The following DAB1 variants were observed in gnomAD, a reference collection of about 807,000 sequenced individuals.
DAB1 encodes disabled homolog 1.
A neutral mutation model predicts 64.6 loss-of-function variants in DAB1; 15 were observed. The ratio of observed to expected loss-of-function variants is 0.23; its 90% confidence interval spans 0.16 to 0.36. DAB1 has a LOEUF of 0.36. Among genes scored for constraint, DAB1 ranks in the 10% least tolerant of loss-of-function variants. DAB1 has a pLI of 1.00. For synonymous variants in DAB1, 235 were observed against 251.9 expected, an observed-to-expected ratio of 0.93 and a Z score of 0.64; for missense variants, 596 against 706.7, an observed-to-expected ratio of 0.84 and a Z score of 1.78.
chr1:57,496,700 C>T (rs1644234774), intron 7 of DAB1, among the ~76,000 whole-genome samples: 1 of 152,082 alleles, frequency 6.6e-6, no homozygotes, highest in African/African-American at 2.4e-5. Flanking sequence ...TTTTAGATCT[C>T]GAAAGAACAT....
upstream of DAB1, among the ~76,000 whole-genome samples, chr1:57,884,407 G>A (rs1249028610): frequency 6.6e-6 from 1 of 152,060 alleles, no homozygotes; most frequent in Admixed American, 6.6e-5. Context: ...CTATGGGAAG[G>A]ACATGAATAA....
At chr1:57,558,446 G>T (rs1248901618) in intron 7 of DAB1, among the ~76,000 whole-genome samples, 1 of 152,188 alleles carries the variant, frequency 6.6e-6, no homozygotes, top group Non-Finnish European at 1.5e-5. Flanking sequence ...GACCCATGAG[G>T]AAGCGTGCTA....
In DAB1 at chr1:57,725,999, C is replaced by T. The variant is rs568772655; in HGVS notation, n.552-76334G>A. Among the ~76,000 whole-genome samples, 69 of 152,306 alleles carry T rather than the reference C, an allele frequency of 4.5e-4. 2 individuals carry two copies. In the South Asian group the frequency reaches 0.014, roughly 32 times the overall value. On this transcript the variant is annotated intron_variant and non_coding_transcript_variant, in intron 6 of 20. Transcript: ENST00000485760. ...GAACTCCTGAGCTCAGGCAATCCAT[C>T]TGCCTCAGCTTCCCAAAGTGCTGGG...
intron 2 of DAB1, among the ~76,000 whole-genome samples, chr1:57,182,093 G>A (rs150714192): frequency 0.01 from 1,572 of 152,218 alleles, 35 homozygotes; most frequent in African/African-American, 0.036. Flanking sequence ...CACCGTGTTA[G>A]CCAGGATAGT....
chr1:57,406,446 T>C (rs78253977), intron 1 of DAB1, among the ~76,000 whole-genome samples: 30 of 152,338 alleles, frequency 2.0e-4, no homozygotes, highest in African/African-American at 7.0e-4. Flanking sequence ...GTCTGTGGCT[T>C]TTATAGGGTA....
chr1:57,220,706 C>G (rs1666798386), intron 2 of DAB1, among the ~76,000 whole-genome samples: 1 of 152,146 alleles, frequency 6.6e-6, no homozygotes, highest in Non-Finnish European at 1.5e-5. Flanking sequence ...AATGAGATAC[C>G]ATCTCACACC....
rs530490542 is a variant in DAB1, at chr1:57,447,866, T to C, written n.626-156700A>G. On this transcript the variant is annotated intron_variant and non_coding_transcript_variant, in intron 7 of 20. Transcript: ENST00000485760. ...GCTCCTGGTGGAGAGGTGCTAAGAT[T>C]TGGTCTACATTTTAGGATTCTTGTT... 2.0e-4 allele frequency among the ~76,000 whole-genome samples: 30 copies of C among 152,218 alleles called. No individual in the cohort carries two copies. The South Asian group carries it at 6.2e-3, about 32-fold the overall frequency.
chr1:58,477,361 A>G lies in DAB1; in HGVS notation n.257+28699T>C, dbSNP rs140313913. ...TCATTTCAGATAAAATTGTCAAGGA[A>G]TCATCTTGTTTATTTGCCTGCTGAA... On this transcript the variant is annotated intron_variant and non_coding_transcript_variant, in intron 3 of 20. Transcript: ENST00000485760. Among the ~76,000 whole-genome samples the G allele has an allele frequency of 2.7e-3, 413 of 152,322 alleles. 1 individual carries two copies. Among genetic ancestry groups the G allele is most frequent in the African/African-American group, 9.3e-3 (385 of 41,564 alleles).
intron 5 of DAB1, among the ~76,000 whole-genome samples, chr1:58,028,810 A>G (rs113614003): frequency 0.025 from 3,870 of 152,310 alleles, 143 homozygotes; most frequent in African/African-American, 0.085. Context: ...CTCTTCACAG[A>G]CGAGGAATCT....
At chr1:57,613,107 A>T (rs1261270283) in intron 7 of DAB1, among the ~76,000 whole-genome samples, 5 of 152,248 alleles carry the variant, frequency 3.3e-5, no homozygotes, top group African/African-American at 1.2e-4. Flanking sequence ...TGTCATAGTT[A>T]AATATGCTTC....
At chr1:57,461,825 T>C (rs1256873511) in intron 7 of DAB1, among the ~76,000 whole-genome samples, 2 of 152,010 alleles carry the variant, frequency 1.3e-5, no homozygotes, top group Non-Finnish European at 1.5e-5. Context: ...AAATGCAGGG[T>C]CTTGTCTTAA....
chr1:57,511,305 C>A (rs578238016), intron 7 of DAB1, among the ~76,000 whole-genome samples: 3 of 152,286 alleles, frequency 2.0e-5, no homozygotes, highest in African/African-American at 7.2e-5. Flanking sequence ...CCAACTAAGG[C>A]CCCTCAGTCT....
chr1:58,261,530 C>G lies in DAB1; in HGVS notation n.309+81822G>C, dbSNP rs138107475. 4.6e-3 allele frequency among the ~76,000 whole-genome samples: 704 copies of G among 152,126 alleles called. 3 individuals are homozygous for G. The highest frequency in any genetic ancestry group is 0.016 in the African/African-American group (667 of 41,486). On this transcript the variant is annotated intron_variant and non_coding_transcript_variant, in intron 4 of 20. Transcript: ENST00000485760. ...GGAAAATGGATCTGAGTGAGCGTGC[C>G]TAGTTATTGTTTCCAAATTCACCAA...
intron 3 of DAB1, among the ~76,000 whole-genome samples, chr1:58,391,020 C>T (rs1321617400): frequency 2.0e-5 from 3 of 152,154 alleles, no homozygotes; most frequent in African/African-American, 7.2e-5. Context: ...TAGGCAATCG[C>T]GGTCCCATCA....
chr1:57,313,291 C>T (rs533507048), intron 1 of DAB1, among the ~76,000 whole-genome samples: 16 of 152,166 alleles, frequency 1.1e-4, no homozygotes, highest in Non-Finnish European at 2.4e-4. Flanking sequence ...CTTCCCCGAG[C>T]CCTAGCCTGG....
At chr1:57,824,690 CAGAGA>C (rs1557501768), downstream of DAB1, among the ~76,000 whole-genome samples, 1 of 152,192 alleles carries the variant, frequency 6.6e-6, no homozygotes, top group Non-Finnish European at 1.5e-5. Flanking sequence ...CGTAGCCTCT[CAGAGA>C]AAACAAATAT....
chr1:57,423,176 GCATCCAAGT>G (rs1225834414), intron 1 of DAB1, among the ~76,000 whole-genome samples: 1 of 149,860 alleles, frequency 6.7e-6, no homozygotes, highest in Non-Finnish European at 1.5e-5. Context: ...TGAGCTCTCT[GCATCCAAGT>G]CAGAGCGTCG....
At chr1:58,159,170 T>C (rs1655377401) in intron 4 of DAB1, among the ~76,000 whole-genome samples, 1 of 152,214 alleles carries the variant, frequency 6.6e-6, no homozygotes, top group African/African-American at 2.4e-5. Flanking sequence ...TTAACTTCTC[T>C]GAGCCTTATT....
At chr1:57,423,786 C>A (rs893740107) in intron 1 of DAB1, 144 bp downstream of exon 1, 2 of 152,222 alleles carry the variant, frequency 1.3e-5, no homozygotes, top group African/African-American at 4.8e-5. Flanking sequence ...CACCCCTAGC[C>A]AAACTGCTGA....
Sources: gnomAD v4.1 joint callset for allele counts (sites outside exome capture counted in the v4.1 genomes callset) on GRCh38, gnomAD v4.1.1 for gene constraint, MANE v1.5 for transcripts, NCBI Gene and HGNC (gene_info 2026-07-23, HGNC 2026-07-21) for gene names.